The following CTBP2 variants were observed in gnomAD, a reference collection of about 807,000 sequenced individuals.
CTBP2 encodes C-terminal binding protein 2, also known as C-terminal-binding protein 2.
In CTBP2, 30 loss-of-function variants were observed where a neutral mutation model predicts 80.3. The ratio of observed to expected loss-of-function variants is 0.37; its 90% confidence interval spans 0.28 to 0.51. The LOEUF is 0.51. CTBP2 is among the 20% of genes least tolerant of loss of function. The probability of loss-of-function intolerance (pLI) is 0.93; values close to 1 mark genes in which losing one functional copy is unlikely to be tolerated. For synonymous variants in CTBP2, 594 were observed against 587.4 expected, an observed-to-expected ratio of 1.01 and a Z score of -0.16; for missense variants, 1,212 against 1,375.3, an observed-to-expected ratio of 0.88 and a Z score of 1.88.
intron 1 of CTBP2, among the ~76,000 whole-genome samples, chr10:125,004,384 CT>C (rs2134294378): frequency 6.6e-6 from 1 of 152,322 alleles, no homozygotes; most frequent in East Asian, 1.9e-4. Context: ...TCTTTTCTCT[CT>C]TTATTCTGTG....
intron 2 of CTBP2, among the ~76,000 whole-genome samples, chr10:125,088,001 C>T (rs1338061043): frequency 6.6e-6 from 1 of 152,144 alleles, no homozygotes; most frequent in Non-Finnish European, 1.5e-5. Context: ...CGTCCATTCC[C>T]ACCTCCTTCG....
intron 2 of CTBP2, among the ~76,000 whole-genome samples, chr10:125,069,765 C>T (rs996786299): frequency 2.0e-5 from 3 of 152,080 alleles, no homozygotes; most frequent in African/African-American, 7.2e-5. Flanking sequence ...TGAGAGTCTC[C>T]CCTTTAATGG....
At chr10:125,036,995 G>C (rs1165084661) in intron 3 of CTBP2, among the ~76,000 whole-genome samples, 1 of 152,186 alleles carries the variant, frequency 6.6e-6, no homozygotes, top group Admixed American at 6.5e-5. Context: ...CTAGGGAGCT[G>C]ACATATAGAT....
intron 1 of CTBP2, among the ~76,000 whole-genome samples, chr10:125,005,261 G>A (rs544455974): frequency 6.6e-6 from 1 of 152,234 alleles, no homozygotes; most frequent in African/African-American, 2.4e-5. Context: ...GGGGTAGCCA[G>A]GTCCACAGCC....
chr10:125,030,653 A>T (rs1265564855), upstream of CTBP2, among the ~76,000 whole-genome samples: 1 of 152,230 alleles, frequency 6.6e-6, no homozygotes, highest in African/African-American at 2.4e-5. Context: ...GAAAAAGAAG[A>T]ACAGGTGGGA....
intron 2 of CTBP2, among the ~76,000 whole-genome samples, chr10:125,082,835 C>T (rs1479172468): frequency 6.6e-6 from 1 of 152,130 alleles, no homozygotes; most frequent in Non-Finnish European, 1.5e-5. Flanking sequence ...ATGATCCGCT[C>T]GCCTCGGCCT....
At chr10:125,118,399 A>C (rs1200694341) in intron 1 of CTBP2, among the ~76,000 whole-genome samples, 1 of 152,226 alleles carries the variant, frequency 6.6e-6, no homozygotes, top group Non-Finnish European at 1.5e-5. Flanking sequence ...GGAGAAAGGA[A>C]CAAGGAACAA....
chr10:125,021,343 T>C (rs1270468620), intron 1 of CTBP2, among the ~76,000 whole-genome samples: 3 of 152,146 alleles, frequency 2.0e-5, no homozygotes, highest in Non-Finnish European at 4.4e-5. Context: ...GAACTCAACA[T>C]ACTTGCCCAA....
At chr10:125,091,021 G>C (rs1848685356) in intron 2 of CTBP2, among the ~76,000 whole-genome samples, 1 of 152,184 alleles carries the variant, frequency 6.6e-6, no homozygotes, top group African/African-American at 2.4e-5. Context: ...GGCAGGAATT[G>C]AGCCCAGGCA....
rs1000862604 is a variant in CTBP2 at position 124,984,662 on chromosome 10, G to A, written c.*4856C>T. On this transcript the variant is annotated 3_prime_UTR_variant, in exon 9 of 9. Transcript: ENST00000309035. ...GTCAAAACCATGTGAAAAGTTGATTGCTTTGGCCTTTTCATGAGTTAGCAT... is the reference window on the plus strand; with the variant it reads ...GTCAAAACCATGTGAAAAGTTGATTACTTTGGCCTTTTCATGAGTTAGCAT... 9.3e-7 allele frequency: 1 copy of A among 1,070,008 alleles called. No individual in the cohort carries two copies. The highest frequency in any genetic ancestry group is 1.3e-6 in the Non-Finnish European group (1 of 744,292). 66.3% of individuals were successfully genotyped at this position (1,070,008 alleles called of 1,614,324 possible).
intron 1 of CTBP2, among the ~76,000 whole-genome samples, chr10:125,118,395 A>G (rs1853699017): frequency 6.6e-6 from 1 of 152,234 alleles, no homozygotes; most frequent in Admixed American, 6.5e-5. Flanking sequence ...AACTGGAGAA[A>G]GGAACAAGGA....
In CTBP2 at chr10:125,027,762, G is replaced by GA. The variant is rs754595601; in HGVS notation, c.-4dup. ...ATATGCCTGCTGGGAACTGGCATTG[G>GA]AAAAAAAATGACTGCGGATGAGGCA... On this transcript the variant is annotated 5_prime_UTR_variant, in exon 1 of 9. Transcript: ENST00000309035. 2.4e-5 allele frequency: 37 copies of GA among 1,558,386 alleles called. No homozygotes were observed. Among genetic ancestry groups the GA allele is most frequent in the Admixed American group, 3.8e-5 (2 of 52,290 alleles).
At chr10:125,141,970 G>A (rs7912177) in intron 1 of CTBP2, among the ~76,000 whole-genome samples, 3,405 of 152,260 alleles carry the variant, frequency 0.022, 118 homozygotes, top group African/African-American at 0.076. Flanking sequence ...GGACGAAGAG[G>A]CACCTGTTCC....
chr10:125,028,608 A>C (rs1430396513), upstream of CTBP2, among the ~76,000 whole-genome samples: 1 of 152,274 alleles, frequency 6.6e-6, no homozygotes, highest in Non-Finnish European at 1.5e-5. Flanking sequence ...TATTACTGTG[A>C]AACACAGATG....
chr10:125,084,748 G>T (rs1166935427), intron 2 of CTBP2, among the ~76,000 whole-genome samples: 1 of 151,908 alleles, frequency 6.6e-6, no homozygotes, highest in Non-Finnish European at 1.5e-5. Context: ...CCAAGCAGCA[G>T]CAGTGTCCCA....
chr10:125,090,400 A>G (rs1848598763), intron 2 of CTBP2, among the ~76,000 whole-genome samples: 1 of 151,552 alleles, frequency 6.6e-6, no homozygotes, highest in Non-Finnish European at 1.5e-5. Flanking sequence ...CAGACTTAAG[A>G]TATTTTATGT....
chr10:125,117,582 C>G (rs1398677321), intron 1 of CTBP2, among the ~76,000 whole-genome samples: 1 of 152,122 alleles, frequency 6.6e-6, no homozygotes, highest in African/African-American at 2.4e-5. Flanking sequence ...TTGGTTGGCA[C>G]ATGGGGAAAA....
intron 2 of CTBP2, 143 bp from the exon 3 acceptor site, chr10:125,039,298 G>A (rs1430904880): frequency 4.6e-6 from 2 of 435,224 alleles, no homozygotes; most frequent in South Asian, 9.3e-5. Context: ...AAAGCACTGG[G>A]AATGGAGGCT....
chr10:125,079,986 T>G (rs1397510452), intron 2 of CTBP2, among the ~76,000 whole-genome samples: 1 of 152,206 alleles, frequency 6.6e-6, no homozygotes, highest in East Asian at 1.9e-4. Context: ...CTGGTAACCA[T>G]GCTAAATGGT....
Sources: gnomAD v4.1 joint callset for allele counts (sites outside exome capture counted in the v4.1 genomes callset) on GRCh38, gnomAD v4.1.1 for gene constraint, MANE v1.5 for transcripts, NCBI Gene and HGNC (gene_info 2026-07-23, HGNC 2026-07-21) for gene names.